Variants in RNF220 observed in about 807,000 individuals in gnomAD.
RNF220 encodes the protein E3 ubiquitin-protein ligase RNF220.
In RNF220, 7 loss-of-function variants were observed where a neutral mutation model predicts 67.1. The ratio of observed to expected loss-of-function variants is 0.10; its 90% CI spans 0.06 to 0.20. RNF220 has a LOEUF of 0.20. RNF220 is among the 10% of genes least tolerant of loss of function. The pLI is 1.00. For missense variants in RNF220, 565 were observed against 740.3 expected (o/e 0.76, Z 2.75); for synonymous variants, 270 against 283.2 (o/e 0.95, Z 0.47).
chr1:44,618,126 C>T (rs745857059), intron 3 of RNF220, among the ~76,000 whole-genome samples: 12 of 152,212 alleles, frequency 7.9e-5, no homozygotes, highest in Non-Finnish European at 1.8e-4. Context: ...TGTTCCACCT[C>T]CTGCCTCCCT....
intron 12 of RNF220, among the ~76,000 whole-genome samples, chr1:44,646,978 G>C (rs1174737185): frequency 6.6e-6 from 1 of 152,236 alleles, no homozygotes; most frequent in Non-Finnish European, 1.5e-5. Context: ...ATAGCTCACA[G>C]CCAGCCTGGA....
chr1:44,585,286 G>C (rs272529), intron 2 of RNF220, among the ~76,000 whole-genome samples: 2 of 151,922 alleles, frequency 1.3e-5, no homozygotes, highest in Non-Finnish European at 2.9e-5. Flanking sequence ...CCTCATGTCC[G>C]TCTGAAGCCT....
chr1:44,424,707 T>C (rs1308852873), intron 2 of RNF220, among the ~76,000 whole-genome samples: 1 of 152,118 alleles, frequency 6.6e-6, no homozygotes, highest in Non-Finnish European at 1.5e-5. Context: ...CTGCCACTGC[T>C]CCTCCTCGGA....
chr1:44,568,656 G>C (rs1572905719), intron 2 of RNF220, among the ~76,000 whole-genome samples: 1 of 152,218 alleles, frequency 6.6e-6, no homozygotes, highest in South Asian at 2.1e-4. Flanking sequence ...CAGATGCCCA[G>C]GCCAGGAATC....
chr1:44,577,442 C>T (rs1380585177), intron 2 of RNF220, among the ~76,000 whole-genome samples: 1 of 152,192 alleles, frequency 6.6e-6, no homozygotes, highest in Admixed American at 6.5e-5. Flanking sequence ...CAGCTCTTGA[C>T]CACCTCAACC....
intron 2 of RNF220, among the ~76,000 whole-genome samples, chr1:44,564,089 C>T (rs578164237): frequency 6.6e-6 from 1 of 152,334 alleles, no homozygotes; most frequent in Non-Finnish European, 1.5e-5. Flanking sequence ...CCAGTTTCTT[C>T]TGTGAAGTTG....
At chr1:44,515,990 C>T (rs574810013) in intron 2 of RNF220, among the ~76,000 whole-genome samples, 8 of 152,300 alleles carry the variant, frequency 5.3e-5, no homozygotes, top group South Asian at 4.1e-4. Flanking sequence ...GAAGATGAGA[C>T]GCTAAAACCT....
chr1:44,529,926 C>T (rs1359772829), intron 2 of RNF220, among the ~76,000 whole-genome samples: 3 of 151,840 alleles, frequency 2.0e-5, no homozygotes, highest in African/African-American at 7.3e-5. Context: ...TGGTGGTGGG[C>T]GCCTCTACTC....
At chr1:44,557,721 A>C (rs890263127) in intron 2 of RNF220, among the ~76,000 whole-genome samples, 3 of 152,216 alleles carry the variant, frequency 2.0e-5, no homozygotes, top group Non-Finnish European at 4.4e-5. Flanking sequence ...CACGGTATAA[A>C]ATCACCTTTA....
chr1:44,631,981 C>G, intron 5 of RNF220: 1 of 985,850 alleles, frequency 1.0e-6, no homozygotes, highest in Non-Finnish European at 1.2e-6. Flanking sequence ...GCCAACATGG[C>G]CGCCGCCGCC....
chr1:44,579,502 T>C (rs183828079), intron 2 of RNF220, among the ~76,000 whole-genome samples: 238 of 152,300 alleles, frequency 1.6e-3, no homozygotes, highest in African/African-American at 5.4e-3. Context: ...GCTCCATCAC[T>C]GGGGCAAGCA....
intron 2 of RNF220, among the ~76,000 whole-genome samples, chr1:44,461,409 T>C (rs1653747561): frequency 6.6e-6 from 1 of 152,362 alleles, no homozygotes; most frequent in South Asian, 2.1e-4. Context: ...TTAAGACTCT[T>C]GTTTTCCGTC....
chr1:44,481,559 G>C (rs1188683078), intron 2 of RNF220, among the ~76,000 whole-genome samples: 1 of 152,124 alleles, frequency 6.6e-6, no homozygotes, highest in Non-Finnish European at 1.5e-5. Context: ...TGAGCGGGGG[G>C]TACTTAGAGG....
At chr1:44,519,421 G>A (rs1322222457) in intron 2 of RNF220, among the ~76,000 whole-genome samples, 2 of 152,220 alleles carry the variant, frequency 1.3e-5, no homozygotes, top group African/African-American at 4.8e-5. Flanking sequence ...GGTGCTGTGT[G>A]TGGGGCCTCA....
intron 2 of RNF220, among the ~76,000 whole-genome samples, chr1:44,486,177 G>C (rs1453079800): frequency 1.3e-5 from 2 of 148,380 alleles, no homozygotes; most frequent in Non-Finnish European, 3.0e-5. Context: ...CCCTTTCCTT[G>C]CTTAGCTAAA....
At chr1:44,571,732 C>T (rs1331499667) in intron 2 of RNF220, among the ~76,000 whole-genome samples, 1 of 152,230 alleles carries the variant, frequency 6.6e-6, no homozygotes, top group Non-Finnish European at 1.5e-5. Context: ...AACTCACTTT[C>T]CAGCCACCTA....
chr1:44,571,894 T>G (rs1572914966), intron 2 of RNF220, among the ~76,000 whole-genome samples: 1 of 152,186 alleles, frequency 6.6e-6, no homozygotes, highest in Non-Finnish European at 1.5e-5. Context: ...CCTCTTCCTT[T>G]CTCAGACCTC....
chr1:44,617,659 G>A (rs912735682), intron 3 of RNF220, among the ~76,000 whole-genome samples: 9 of 152,214 alleles, frequency 5.9e-5, no homozygotes, highest in South Asian at 4.1e-4. Context: ...GACACACTGG[G>A]GTTCCTGAGA....
chr1:44,405,402 C>CTG lies in RNF220; in HGVS notation c.-246_-245insTG. On this transcript the variant is annotated 5_prime_UTR_variant, in exon 1 of 15. It introduces an in-frame stop codon into an upstream open reading frame of the 5' UTR. Coordinates refer to ENST00000361799, the MANE Select transcript of RNF220 (RefSeq NM_018150.4). The stretch of plus-strand genomic sequence containing the variant: ...ACTGCTGCTGCTGCTGCTGCCGCTG[C>CTG]CGCCGCCGCCGCCGCCGCTGCCTCC... The CTG allele has an allele frequency of 1.8e-6, 1 of 557,986 alleles. No individual in the cohort carries two copies. The highest frequency in any genetic ancestry group is 3.2e-6 in the Non-Finnish European group (1 of 309,754). 34.6% of individuals were successfully genotyped at this position (557,986 alleles called of 1,614,324 possible). A position where few individuals can be genotyped will look rare whatever the true frequency, so the allele number is the denominator to read the frequency against.
Sources: allele counts gnomAD v4.1 joint callset (sites outside exome capture counted in the v4.1 genomes callset), GRCh38; gene constraint gnomAD v4.1.1; transcripts MANE v1.5; gene names NCBI Gene and HGNC (gene_info 2026-07-23, HGNC 2026-07-21).